The following HSD17B3 variants were observed in gnomAD, a reference collection of about 807,000 sequenced individuals.
The protein encoded by HSD17B3 is hydroxysteroid 17-beta dehydrogenase 3.
HSD17B3 carries 29 observed loss-of-function variants against 41.1 expected under a neutral mutation model. The observed-to-expected ratio is 0.71, with a 90% CI of 0.53 to 0.96. HSD17B3 has a LOEUF of 0.96. Ranked by LOEUF, HSD17B3 falls within the 40% of genes least tolerant of loss-of-function variation. The probability of loss-of-function intolerance (pLI) is 0.00; values close to 1 mark genes in which losing one functional copy is unlikely to be tolerated. For missense variants in HSD17B3, 323 were observed against 374.6 expected (o/e 0.86, Z 1.14); for synonymous variants, 126 against 145.6 (o/e 0.87, Z 0.97).
intron 10 of HSD17B3, 143 bp downstream of exon 10, chr9:96,240,615 A>G: frequency 1.2e-6 from 1 of 867,586 alleles, no homozygotes; most frequent in Non-Finnish European, 1.9e-6. Context: ...GCTTCTCTCC[A>G]CCTCGCCACA....
intron 2 of HSD17B3, among the ~76,000 whole-genome samples, chr9:96,255,950 G>C (rs1400506578): frequency 1.3e-5 from 2 of 152,214 alleles, no homozygotes; most frequent in Non-Finnish European, 2.9e-5. Flanking sequence ...TTCCGCGGGG[G>C]ACACGTAAAC....
intron 2 of HSD17B3, among the ~76,000 whole-genome samples, chr9:96,294,643 G>C (rs1827279349): frequency 6.6e-6 from 1 of 152,248 alleles, no homozygotes; most frequent in Non-Finnish European, 1.5e-5. Context: ...GTAAGGTGAA[G>C]AACCTTTTGG....
chr9:96,257,331 T>C (rs1332230729), intron 2 of HSD17B3, among the ~76,000 whole-genome samples: 1 of 152,270 alleles, frequency 6.6e-6, no homozygotes, highest in East Asian at 1.9e-4. Flanking sequence ...ATCCTCATTG[T>C]AGAAGATTCC....
intron 2 of HSD17B3, among the ~76,000 whole-genome samples, chr9:96,297,341 C>CTTT (rs71368242): frequency 4.6e-4 from 34 of 73,518 alleles, no homozygotes; most frequent in Admixed American, 5.5e-4. Context: ...TTATTGATTT[C>CTTT]TTTTTTTTTT....
chr9:96,299,690 A>G (rs2183009), intron 1 of HSD17B3, among the ~76,000 whole-genome samples: 39,814 of 152,070 alleles, frequency 0.26, 6,691 homozygotes, highest in Non-Finnish European at 0.38. Flanking sequence ...TTAAGGTCAC[A>G]CTGCTAAAAA....
intron 2 of HSD17B3, among the ~76,000 whole-genome samples, chr9:96,263,406 C>T (rs1825933349): frequency 6.6e-6 from 1 of 152,054 alleles, no homozygotes; most frequent in African/African-American, 2.4e-5. Context: ...AAGACAAACT[C>T]ATGTCTGCAA....
chr9:96,236,396 A>C (rs1246259179), intron 10 of HSD17B3, among the ~76,000 whole-genome samples: 1 of 151,946 alleles, frequency 6.6e-6, no homozygotes. Context: ...GCATGCCTGT[A>C]GTCTCAGCTA....
At chr9:96,271,615 A>G (rs918608934) in intron 2 of HSD17B3, among the ~76,000 whole-genome samples, 1 of 152,198 alleles carries the variant, frequency 6.6e-6, no homozygotes, top group Non-Finnish European at 1.5e-5. Flanking sequence ...GTTATGATCC[A>G]GCTTCAACCA....
At chr9:96,298,354 A>T in intron 2 of HSD17B3, 62 bp downstream of exon 2, 1 of 1,258,170 alleles carries the variant, frequency 7.9e-7, no homozygotes, top group African/African-American at 1.5e-5. Flanking sequence ...GTTGGGGTGG[A>T]TGTCTCAGGA....
intron 2 of HSD17B3, among the ~76,000 whole-genome samples, chr9:96,295,207 A>ACGTT: frequency 6.6e-6 from 1 of 151,958 alleles, no homozygotes; most frequent in East Asian, 1.9e-4. Flanking sequence ...GGGTTTCACT[A>ACGTT]CGTTGGTCAG....
intron 2 of HSD17B3, among the ~76,000 whole-genome samples, chr9:96,256,977 C>A (rs973124725): frequency 1.3e-5 from 2 of 152,076 alleles, no homozygotes; most frequent in Non-Finnish European, 2.9e-5. Context: ...GAGTCATCTC[C>A]GGATCTGGTG....
chr9:96,245,635 G>T (rs1026533706), intron 7 of HSD17B3, among the ~76,000 whole-genome samples: 2 of 152,114 alleles, frequency 1.3e-5, no homozygotes, highest in African/African-American at 4.8e-5. Flanking sequence ...GATTTCCGCC[G>T]CACAGTGATG....
At chr9:96,289,836 G>C (rs7022250) in intron 2 of HSD17B3, among the ~76,000 whole-genome samples, 53,630 of 151,902 alleles carry the variant, frequency 0.35, 9,666 homozygotes, top group Middle Eastern at 0.46. Flanking sequence ...CCCCTTTTCA[G>C]AAAGTTAAGC....
intron 2 of HSD17B3, among the ~76,000 whole-genome samples, chr9:96,287,781 C>T (rs1311316091): frequency 2.6e-5 from 4 of 151,340 alleles, no homozygotes; most frequent in Admixed American, 6.6e-5. Context: ...AGAGACTCCA[C>T]TGCTAGGTAA....
At chr9:96,253,229 C>T (rs1175726403) in intron 3 of HSD17B3, among the ~76,000 whole-genome samples, 1 of 152,162 alleles carries the variant, frequency 6.6e-6, no homozygotes, top group Admixed American at 6.5e-5. Flanking sequence ...TGCAAATTCT[C>T]GGGCTCTACC....
chr9:96,280,693 G>A (rs1311217680), intron 2 of HSD17B3, among the ~76,000 whole-genome samples: 2 of 152,182 alleles, frequency 1.3e-5, no homozygotes, highest in East Asian at 3.8e-4. Flanking sequence ...GACCTACTGG[G>A]CTGCATTCCC....
At chr9:96,240,937 G>A in intron 9 of HSD17B3, 30 bp from the exon 10 acceptor site, 1 of 1,613,734 alleles carries the variant, frequency 6.2e-7, no homozygotes, top group South Asian at 1.1e-5. Context: ...CCATGGCACA[G>A]AAGCAATCCA....
intron 4 of HSD17B3, among the ~76,000 whole-genome samples, chr9:96,252,062 C>A (rs1372961225): frequency 6.6e-6 from 1 of 152,146 alleles, no homozygotes; most frequent in Non-Finnish European, 1.5e-5. Flanking sequence ...TAAATCATTA[C>A]AGAAATAAAT....
chr9:96,247,753 TGA>T (rs917952381), intron 6 of HSD17B3, among the ~76,000 whole-genome samples: 3 of 152,210 alleles, frequency 2.0e-5, no homozygotes, highest in African/African-American at 7.2e-5. Flanking sequence ...ATGATCCCAA[TGA>T]GAGAGACAAC....
Sources: gnomAD v4.1 joint callset for allele counts (sites outside exome capture counted in the v4.1 genomes callset) on GRCh38, gnomAD v4.1.1 for gene constraint, MANE v1.5 for transcripts, NCBI Gene and HGNC (gene_info 2026-07-23, HGNC 2026-07-21) for gene names.